ADI1: variants seen among roughly 807,000 people sequenced by gnomAD.
ADI1 encodes the protein acireductone dioxygenase 1, also known as acireductone dioxygenase.
ADI1 carries 21 observed loss-of-function variants against 18.7 expected under a neutral mutation model. That is an observed-to-expected ratio of 1.13 (90% confidence interval 0.80 to 1.62). ADI1 has a LOEUF of 1.62. Ranked by LOEUF, ADI1 falls within the 40% of genes most tolerant of loss-of-function variation. ADI1 has a pLI of 0.00. For synonymous variants in ADI1, 90 were observed against 100.1 expected (o/e 0.90, Z 0.60); for missense variants, 245 against 254.9 (o/e 0.96, Z 0.26).
At chr2:3,514,019 AG>A in intron 1 of ADI1, 43 bp from the exon 2 acceptor site, 1 of 1,558,558 alleles carries the variant, frequency 6.4e-7, no homozygotes, top group Non-Finnish European at 8.6e-7. Flanking sequence ...CAGATTAACA[AG>A]GAGATGTAGA....
chr2:3,502,001 C>CCACACACACACA (rs70938947), intron 2 of ADI1, among the ~76,000 whole-genome samples: 1 of 105,038 alleles, frequency 9.5e-6, no homozygotes, highest in Admixed American at 8.4e-5. Context: ...ACCTCCCGCT[C>CCACACACACACA]CACACACACA....
chr2:3,499,238 G>A (rs761093077), intron 3 of ADI1, among the ~76,000 whole-genome samples, 156 bp from the exon 4 acceptor site: 89 of 152,204 alleles, frequency 5.8e-4, no homozygotes, highest in African/African-American at 2.1e-3. Context: ...CATTTTATTC[G>A]TGGAAGGAAA....
At chr2:3,510,002 A>ACATGG (rs1250751817) in intron 2 of ADI1, among the ~76,000 whole-genome samples, 2 of 152,032 alleles carry the variant, frequency 1.3e-5, no homozygotes, top group African/African-American at 4.8e-5. Context: ...AATTAGCTGG[A>ACATGG]CATGGTGGCG....
At chr2:3,509,810 C>T (rs952372097) in intron 2 of ADI1, among the ~76,000 whole-genome samples, 3 of 150,876 alleles carry the variant, frequency 2.0e-5, no homozygotes, top group Non-Finnish European at 4.4e-5. Flanking sequence ...ACCTGAACAA[C>T]CTGGTGAGAT....
intron 3 of ADI1, among the ~76,000 whole-genome samples, chr2:3,499,488 C>T (rs1226563240): frequency 6.6e-6 from 1 of 152,196 alleles, no homozygotes; most frequent in Non-Finnish European, 1.5e-5. Flanking sequence ...GAGGACAATT[C>T]AGCCACATCC....
At chr2:3,505,914 T>C (rs1194193144) in intron 2 of ADI1, among the ~76,000 whole-genome samples, 3 of 152,226 alleles carry the variant, frequency 2.0e-5, no homozygotes, top group Non-Finnish European at 4.4e-5. Context: ...GAAAACACAG[T>C]CGTCTATAAA....
At chr2:3,504,982 G>A (rs561549870) in intron 2 of ADI1, among the ~76,000 whole-genome samples, 1 of 152,154 alleles carries the variant, frequency 6.6e-6, no homozygotes, top group Admixed American at 6.5e-5. Context: ...TGTTTGTATT[G>A]TCTGTTCACC....
intron 2 of ADI1, among the ~76,000 whole-genome samples, chr2:3,512,040 G>A (rs552181450): frequency 6.6e-5 from 10 of 152,330 alleles, no homozygotes; most frequent in Non-Finnish European, 1.2e-4. Flanking sequence ...CAGCCTATGC[G>A]CAGATGCAAG....
chr2:3,499,166 CATT>C, intron 3 of ADI1, 84 bp from the exon 4 acceptor site: 1 of 1,516,424 alleles, frequency 6.6e-7, no homozygotes, highest in East Asian at 2.4e-5. Context: ...AACTTGTTAA[CATT>C]AATTGCTATA....
At chr2:3,499,851 G>C (rs1255324287) in intron 3 of ADI1, among the ~76,000 whole-genome samples, 1 of 152,104 alleles carries the variant, frequency 6.6e-6, no homozygotes, top group Non-Finnish European at 1.5e-5. Context: ...GATCACCTGA[G>C]GTCAGGAGTT....
intron 2 of ADI1, among the ~76,000 whole-genome samples, chr2:3,509,005 AAGGGAGGGAGGGAGGG>A (rs375978249): frequency 9.1e-6 from 1 of 110,258 alleles, no homozygotes; most frequent in Middle Eastern, 4.0e-3. Flanking sequence ...AGAAGGAAGG[AAGGGAGGGAGGGAGGG>A]AGGGAGGGGA....
intron 1 of ADI1, chr2:3,516,001 C>G (rs1667400357): frequency 2.0e-6 from 2 of 985,098 alleles, no homozygotes; most frequent in Admixed American, 1.2e-4. Context: ...GTACTATTTG[C>G]TATGGTCTGA....
In ADI1 at chr2:3,502,526, C is replaced by T. The variant is rs192910666; in HGVS notation, c.241-1533G>A. On this transcript the variant is annotated intron_variant, in intron 2 of 3. Coordinates refer to ENST00000327435, the MANE Select transcript of ADI1 (RefSeq NM_018269.4). Reference sequence around the variant, plus strand: ...GGAGTGCAATGGCGCGATCTCGGCTCACTTCAACCTCCGCCTCCCAGGTTC... The same window carrying T: ...GGAGTGCAATGGCGCGATCTCGGCTTACTTCAACCTCCGCCTCCCAGGTTC... 6.2e-3 allele frequency among the ~76,000 whole-genome samples: 916 copies of T among 148,252 alleles called. 3 individuals carry two copies. The highest frequency in any genetic ancestry group is 9.0e-3 in the Non-Finnish European group (605 of 67,546).
Position 3,500,996 on chromosome 2 carries a change from AG to A in ADI1, c.241-4del. The A allele has an allele frequency of 6.3e-7, 1 of 1,593,652 alleles. No individual in the cohort carries two copies. The highest frequency in any genetic ancestry group is 8.6e-7 in the Non-Finnish European group (1 of 1,168,564). On this transcript the variant is annotated splice_polypyrimidine_tract_variant and splice_region_variant and intron_variant, in intron 2 of 3. Coordinates refer to ENST00000327435, the MANE Select transcript of ADI1 (RefSeq NM_018269.4). ...TGCTCCTCGTAGAACATCTTAATCT[AG>A]TGCAGAAGGAACATTCCTGTGAGTC...
At chr2:3,516,052 T>C (rs1018063412) in intron 1 of ADI1, 2 of 982,998 alleles carry the variant, frequency 2.0e-6, no homozygotes, top group Admixed American at 1.2e-4. Flanking sequence ...ATATGACACA[T>C]TATATGACAC....
intron 2 of ADI1, among the ~76,000 whole-genome samples, chr2:3,508,004 T>C (rs1185398817): frequency 3.3e-5 from 5 of 151,552 alleles, no homozygotes; most frequent in African/African-American, 1.2e-4. Context: ...AATGTTCAAT[T>C]AAAACCAGAC....
At chr2:3,519,317 G>C in intron 1 of ADI1, 51 bp downstream of exon 1, 4 of 1,346,580 alleles carry the variant, frequency 3.0e-6, no homozygotes, top group Admixed American at 4.0e-5. Flanking sequence ...TGTGCGCGGC[G>C]TTTGGGGGTC....
At position 3,500,874 on chromosome 2, in the gene ADI1, C is replaced by T. The variant is rs761094155; in HGVS notation, c.360G>A (p.Glu120=). ...CGGGGAGCGTCACCATGTCTCCCTT[C>T]TCCATGAAGATCCGGATCCACTGGT... ...KEDQWIRIFM[E]KGDMVTLPAG... Residue 120 remains glutamate (E), a synonymous_variant, in exon 3 of 4, where the codon GAG becomes GAA. Coordinates refer to ENST00000327435, the MANE Select transcript of ADI1 (RefSeq NM_018269.4). 8 of 1,614,132 alleles carry T rather than the reference C, an allele frequency of 5.0e-6. No homozygotes were observed. The East Asian group carries it at 1.8e-4, about 36-fold the overall frequency.
chr2:3,500,835 G>A lies in ADI1; in HGVS notation c.399C>T (p.His133=), dbSNP rs200606798. 1 of 1,614,238 alleles carries A rather than the reference G, an allele frequency of 6.2e-7. No homozygotes were observed. Among genetic ancestry groups the A allele is most frequent in the East Asian group, 2.2e-5 (1 of 44,882 alleles). The part of the protein sequence containing the change: ...DMVTLPAGIY[H]RFTVDEKNYT... The stretch of plus-strand genomic sequence containing the variant: ...CCACCTTCTCGTCCACCGTGAAGCG[G>A]TGATAGATCCCCGCGGGGAGCGTCA... The change falls in exon 3 of 4, where the codon CAC becomes CAT. Residue 133 remains histidine (H), a synonymous_variant. Transcript: ENST00000327435.
Sources: gnomAD v4.1 joint callset for allele counts (sites outside exome capture counted in the v4.1 genomes callset) on GRCh38, gnomAD v4.1.1 for gene constraint, MANE v1.5 for transcripts, NCBI Gene and HGNC (gene_info 2026-07-23, HGNC 2026-07-21) for gene names.